Variants in HSP90AB1 observed in about 807,000 individuals in gnomAD.
HSP90AB1 encodes the protein heat shock protein 90 alpha family class B member 1.
In HSP90AB1, 17 loss-of-function variants were observed where a neutral mutation model predicts 67.8. That is an observed-to-expected ratio of 0.25 (90% confidence interval 0.17 to 0.38). The LOEUF is 0.38. Among genes scored for constraint, HSP90AB1 ranks in the 10% least tolerant of loss-of-function variants. The probability of loss-of-function intolerance (pLI) is 1.00; values close to 1 mark genes in which losing one functional copy is unlikely to be tolerated. For missense variants in HSP90AB1, 690 were observed against 899.9 expected (o/e 0.77, Z 2.98); for synonymous variants, 390 against 312.9 (o/e 1.25, Z -2.60).
At chr6:44,251,656 A>G (rs1020844797) in intron 8 of HSP90AB1, 48 bp downstream of exon 8, 10 of 1,586,820 alleles carry the variant, frequency 6.3e-6, no homozygotes, top group Non-Finnish European at 7.7e-6. Context: ...TCTTAGTAAT[A>G]ACAATAAATT....
At chr6:44,249,159 CGA>C (rs1246742039) in intron 2 of HSP90AB1, among the ~76,000 whole-genome samples, 1 of 151,890 alleles carries the variant, frequency 6.6e-6, no homozygotes, top group Non-Finnish European at 1.5e-5. Flanking sequence ...TGGGCAACCG[CGA>C]GACCTTGTCT....
chr6:44,251,468 C>A lies in HSP90AB1; in HGVS notation c.1174C>A (p.Arg392=), dbSNP rs1287712254. ...TGAGGATCTGCCCCTGAACATCTCC[C>A]GAGAAATGCTCCAGCAGAGCAAAAT... ...DSEDLPLNIS[R]EMLQQSKILK... Residue 392 remains arginine (R), a synonymous_variant, in exon 8 of 12, where the codon CGA becomes AGA. Coordinates refer to ENST00000371646, the MANE Select transcript of HSP90AB1 (RefSeq NM_007355.4). 1.9e-5 allele frequency: 31 copies of A among 1,610,194 alleles called. No individual in the cohort carries two copies. Among genetic ancestry groups the A allele is most frequent in the Non-Finnish European group, 2.6e-5 (31 of 1,177,480 alleles).
chr6:44,248,907 T>C, intron 2 of HSP90AB1, 131 bp downstream of exon 2: 1 of 820,670 alleles, frequency 1.2e-6, no homozygotes, highest in Non-Finnish European at 2.0e-6. Flanking sequence ...TCCAAAAAGA[T>C]GGGTTTTACT....
At chr6:44,252,490 ATTTTCTTTTTT>A (rs1780781466) in intron 10 of HSP90AB1, among the ~76,000 whole-genome samples, 1 of 149,592 alleles carries the variant, frequency 6.7e-6, no homozygotes, top group African/African-American at 2.5e-5. Flanking sequence ...AAATACCATC[ATTTTCTTTTTT>A]TTTTCTTTTT....
At position 44,251,162 on chromosome 6, in the gene HSP90AB1, C is replaced by T. The variant is rs775484859; in HGVS notation, c.1072C>T (p.Arg358Cys). 20 of 1,614,002 alleles carry T rather than the reference C, an allele frequency of 1.2e-5. No homozygotes were observed. Among genetic ancestry groups the T allele is most frequent in the African/African-American group, 6.7e-5 (5 of 74,890 alleles). ...AAAGAACAACATCAAACTCTATGTC[C>T]GCCGTGTGTTCATCATGGACAGCTG... ...KKKNNIKLYV[R>C]RVFIMDSCDE... The change falls in exon 7 of 12, where the codon CGC becomes TGC. Residue 358 changes from arginine to cysteine, a missense_variant. Around this residue, in one of 7 missense-constraint regions of HSP90AB1, gnomAD observed 101 missense variants for 174.8 expected, o/e 0.58. Transcript: ENST00000371646.
In HSP90AB1 at chr6:44,249,917, C is replaced by A. The variant is rs9367190; in HGVS notation, c.514+83C>A. ...GTAGCAGAAATTTTGGGCATCCTGTCTGTAAAGCAGTTCTTCACAGCAGTT... is the reference window on the plus strand; with the variant it reads ...GTAGCAGAAATTTTGGGCATCCTGTATGTAAAGCAGTTCTTCACAGCAGTT... On this transcript the variant is annotated intron_variant, in intron 4 of 11. Coordinates refer to ENST00000371646, the MANE Select transcript of HSP90AB1 (RefSeq NM_007355.4). The A allele has an allele frequency of 0.088, 139,569 of 1,584,866 alleles. 7,380 individuals are homozygous for A. The highest frequency in any genetic ancestry group is 0.26 in the East Asian group (11,503 of 44,626).
chr6:44,252,157 CTG>C lies in HSP90AB1; in HGVS notation c.1622_1623del (p.Leu541ArgfsTer4). ...KSLVSVTKEG[L>X]ELPEDEEEKK... Reference sequence around the variant, plus strand: ...CCTGGTCTCAGTTACCAAGGAGGGTCTGGAGCTGCCTGAGGATGAGGAGGAGA... The same window carrying C: ...CCTGGTCTCAGTTACCAAGGAGGGTCGAGCTGCCTGAGGATGAGGAGGAGA... On this transcript the variant is annotated frameshift_variant, in exon 10 of 12. Coordinates refer to ENST00000371646, the MANE Select transcript of HSP90AB1 (RefSeq NM_007355.4). LOFTEE classifies it high-confidence loss of function. 6.2e-7 allele frequency: 1 copy of C among 1,614,098 alleles called. No individual in the cohort carries two copies. The highest frequency in any genetic ancestry group is 8.5e-7 in the Non-Finnish European group (1 of 1,180,020).
chr6:44,247,391 G>A (rs750318236), intron 1 of HSP90AB1, among the ~76,000 whole-genome samples, 196 bp downstream of exon 1: 2 of 152,102 alleles, frequency 1.3e-5, no homozygotes, highest in Non-Finnish European at 2.9e-5. Flanking sequence ...GTGTGTTTGG[G>A]GGGTGGGGCT....
rs149168052 is a variant in HSP90AB1 at position 44,250,560 on chromosome 6, G to A, written c.918G>A (p.Lys306=). ...ITQEEYGEFY[K]SLTNDWEDHL... ...AAGAGGAGTATGGAGAATTCTACAAGAGCCTCACTAATGACTGGGAAGACC... is the reference window on the plus strand; with the variant it reads ...AAGAGGAGTATGGAGAATTCTACAAAAGCCTCACTAATGACTGGGAAGACC... The change falls in exon 6 of 12, where the codon AAG becomes AAA. Residue 306 remains lysine, a synonymous_variant. Transcript: ENST00000371646. 1.2e-6 allele frequency: 2 copies of A among 1,613,432 alleles called. No individual in the cohort carries two copies. The highest frequency in any genetic ancestry group is 1.3e-5 in the African/African-American group (1 of 74,974).
Position 44,248,710 on chromosome 6 carries a change from C to T in HSP90AB1, c.81C>T (p.Leu27=), listed in dbSNP as rs1445309966. 2 of 1,613,730 alleles carry T rather than the reference C, an allele frequency of 1.2e-6. No homozygotes were observed. Among genetic ancestry groups the T allele is most frequent in the African/African-American group, 1.3e-5 (1 of 74,938 alleles). Residue 27 remains leucine, a synonymous_variant, in exon 2 of 12, where the codon CTC becomes CTT. Coordinates refer to ENST00000371646, the MANE Select transcript of HSP90AB1 (RefSeq NM_007355.4). ...FQAEIAQLMS[L]IINTFYSNKE... ...CAGAAATTGCCCAACTCATGTCCCT[C>T]ATCATCAATACCTTCTATTCCAACA...
In HSP90AB1 at chr6:44,251,059, A is replaced by G; in HGVS notation, c.969A>G (p.Val323=). Reference sequence around the variant, plus strand: ...TTGGTTTCTTTCAGCACTTTTCTGTAGAAGGTCAGTTGGAATTCAGGGCAT... The same window carrying G: ...TTGGTTTCTTTCAGCACTTTTCTGTGGAAGGTCAGTTGGAATTCAGGGCAT... The part of the protein sequence containing the change: ...EDHLAVKHFS[V]EGQLEFRALL... Residue 323 remains valine, a synonymous_variant, in exon 7 of 12, where the codon GTA becomes GTG. Coordinates refer to ENST00000371646, the MANE Select transcript of HSP90AB1 (RefSeq NM_007355.4). The G allele has an allele frequency of 6.2e-7, 1 of 1,614,014 alleles. No individual in the cohort carries two copies. The highest frequency in any genetic ancestry group is 8.5e-7 in the Non-Finnish European group (1 of 1,179,892).
Position 44,251,607 on chromosome 6 carries a change from A to C in HSP90AB1, c.1313A>C (p.Lys438Thr). Residue 438 changes from lysine to threonine, a missense_variant and splice_region_variant, in exon 8 of 12, where the codon AAG (lysine) becomes ACG (threonine). Lys to Thr is a moderately conservative substitution (Grantham distance 78, BLOSUM62 -1). This residue lies in a region of HSP90AB1 where 206 missense variants were observed against 221.4 expected (regional missense o/e 0.93). Coordinates refer to ENST00000371646, the MANE Select transcript of HSP90AB1 (RefSeq NM_007355.4). Reference protein sequence around the residue: ...KFYEAFSKNLKLGIHEDSTNR... With the variant: ...KFYEAFSKNLTLGIHEDSTNR... Reference sequence around the variant, plus strand: ...TATGAGGCATTCTCTAAAAATCTCAAGGTAAAAAGGCAAATAATGCTTATT... The same window carrying C: ...TATGAGGCATTCTCTAAAAATCTCACGGTAAAAAGGCAAATAATGCTTATT... 6.2e-7 allele frequency: 1 copy of C among 1,600,812 alleles called. No individual in the cohort carries two copies.
chr6:44,253,230 G>T lies in HSP90AB1; in HGVS notation c.1917G>T (p.Arg639=), dbSNP rs199776747. ...ACCACCCCATTGTGGAGACGCTGCG[G>T]CAGAAGGCTGAGGCCGACAAGAATG... ...NPDHPIVETL[R]QKAEADKNDK... The change falls in exon 11 of 12, where the codon CGG becomes CGT. Residue 639 remains arginine (R), a synonymous_variant. Transcript: ENST00000371646. The T allele has an allele frequency of 1.3e-4, 217 of 1,614,250 alleles. No individual in the cohort carries two copies. The highest frequency in any genetic ancestry group is 1.8e-4 in the Non-Finnish European group (209 of 1,180,040).
At chr6:44,248,880 G>A (rs1318118630) in intron 2 of HSP90AB1, 104 bp downstream of exon 2, 8 of 1,007,950 alleles carry the variant, frequency 7.9e-6, no homozygotes, top group Middle Eastern at 4.3e-4. Context: ...TATTGAAGGG[G>A]GTAAACTTGC....
At position 44,250,010 on chromosome 6, in the gene HSP90AB1, G is replaced by T; in HGVS notation, c.515-11G>T. On this transcript the variant is annotated splice_polypyrimidine_tract_variant and intron_variant, in intron 4 of 11. Transcript: ENST00000371646. ...TTTACCCTGTTACACGCTTGTAATT[G>T]ACTCTTCTAGGTGAGCCCATTGGCA... 1 of 1,613,970 alleles carries T rather than the reference G, an allele frequency of 6.2e-7. No homozygotes were observed. The highest frequency in any genetic ancestry group is 1.1e-5 in the South Asian group (1 of 91,072).
Position 44,251,042 on chromosome 6 carries a change from T to C in HSP90AB1, c.958-6T>C, listed in dbSNP as rs1780584870. 1.2e-6 allele frequency: 2 copies of C among 1,613,824 alleles called. No homozygotes were observed. Among genetic ancestry groups the C allele is most frequent in the Non-Finnish European group, 1.7e-6 (2 of 1,179,738 alleles). ...AAATGTACCACTTATTTTTGGTTTC[T>C]TTCAGCACTTTTCTGTAGAAGGTCA... On this transcript the variant is annotated splice_region_variant and splice_polypyrimidine_tract_variant and intron_variant, in intron 6 of 11. Transcript: ENST00000371646.
upstream of HSP90AB1, chr6:44,246,389 C>A (rs1051319406): frequency 6.6e-6 from 1 of 152,376 alleles, no homozygotes; most frequent in Non-Finnish European, 1.5e-5. Context: ...AACCCTGCCC[C>A]GGCCGCAGCC....
chr6:44,250,479 G>C lies in HSP90AB1; in HGVS notation c.837G>C (p.Gln279His), dbSNP rs754960112. 6.2e-7 allele frequency: 1 copy of C among 1,613,362 alleles called. No homozygotes were observed. The highest frequency in any genetic ancestry group is 1.7e-5 in the Admixed American group (1 of 60,020). ...TKKIKEKYID[Q>H]EELNKTKPIW... ...AGATCAAAGAGAAATACATTGATCA[G>C]GAAGAACTAAACAAGACCAAGCCTA... The change falls in exon 6 of 12, where the codon CAG becomes CAC. Residue 279 changes from glutamine to histidine, a missense_variant. By Grantham distance (24) the Gln-to-His change is conservative (BLOSUM62 0). Transcript: ENST00000371646.
chr6:44,246,454 CTGCTGGAAAT>C (rs965313801), upstream of HSP90AB1: 1 of 153,170 alleles, frequency 6.5e-6, no homozygotes, highest in African/African-American at 2.4e-5. Flanking sequence ...GGCCTGGAAA[CTGCTGGAAAT>C]GCCGCAGTGC....
Sources: allele counts gnomAD v4.1 joint callset (sites outside exome capture counted in the v4.1 genomes callset), GRCh38; gene constraint gnomAD v4.1.1; regional missense constraint gnomAD v4.1.1; transcripts MANE v1.5; gene names NCBI Gene and HGNC (gene_info 2026-07-23, HGNC 2026-07-21).